The following MCU variants were observed in gnomAD, a reference collection of about 807,000 sequenced individuals.
MCU encodes mitochondrial calcium uniporter, also known as calcium uniporter protein, mitochondrial.
A neutral mutation model predicts 45.2 loss-of-function variants in MCU; 12 were observed. The ratio of observed to expected loss-of-function variants is 0.27; its 90% confidence interval spans 0.17 to 0.43. The LOEUF is 0.43. MCU is among the 20% of genes least tolerant of loss of function. MCU has a pLI of 1.00. For synonymous variants in MCU, 160 were observed against 165.1 expected, an observed-to-expected ratio of 0.97 and a Z score of 0.24; for missense variants, 324 against 436.7, an observed-to-expected ratio of 0.74 and a Z score of 2.30.
At chr10:72,725,073 C>T (rs1843077781) in intron 1 of MCU, among the ~76,000 whole-genome samples, 1 of 117,648 alleles carries the variant, frequency 8.5e-6, no homozygotes, top group South Asian at 2.5e-4. Flanking sequence ...AGGGGATCCT[C>T]CCACCTCAGC....
At chr10:72,812,195 A>G (rs548262865) in intron 1 of MCU, among the ~76,000 whole-genome samples, 1 of 152,012 alleles carries the variant, frequency 6.6e-6, no homozygotes, top group Admixed American at 6.6e-5. Context: ...TGCCCAGGCT[A>G]GAGTGCAGTG....
chr10:72,822,500 A>G (rs1844728388), intron 1 of MCU, among the ~76,000 whole-genome samples: 1 of 152,242 alleles, frequency 6.6e-6, no homozygotes, highest in Non-Finnish European at 1.5e-5. Flanking sequence ...TAAACTTGAT[A>G]ATAAAAAGAC....
rs1589505297 is a variant in MCU at position 72,868,713 on chromosome 10, T to C, written c.507T>C (p.Ser169=). ...HVRPPKRDLL[S]HENAATLNDV... ...TAACTTTTGTTTCAGACCTCTTAAG[T>C]CATGAAAATGCAGCAACGCTGAATG... The change falls in exon 5 of 8, where the codon AGT becomes AGC. Residue 169 remains serine, a synonymous_variant. Coordinates refer to ENST00000373053, the MANE Select transcript of MCU (RefSeq NM_138357.3). 6.2e-7 allele frequency: 1 copy of C among 1,613,236 alleles called. No individual in the cohort carries two copies. Among genetic ancestry groups the C allele is most frequent in the East Asian group, 2.2e-5 (1 of 44,866 alleles).
At chr10:72,812,642 T>C (rs1235497452) in intron 1 of MCU, among the ~76,000 whole-genome samples, 1 of 152,224 alleles carries the variant, frequency 6.6e-6, no homozygotes, top group Admixed American at 6.5e-5. Context: ...TATTGAGATA[T>C]GCTTTAAAAT....
At chr10:72,871,234 A>G in intron 5 of MCU, 143 bp from the exon 6 acceptor site, 4 of 753,656 alleles carry the variant, frequency 5.3e-6, no homozygotes, top group East Asian at 2.5e-5. Flanking sequence ...TGCAGATACT[A>G]TTTAGGAAGA....
intron 1 of MCU, among the ~76,000 whole-genome samples, chr10:72,771,126 G>A (rs1843801042): frequency 6.6e-6 from 1 of 152,120 alleles, no homozygotes; most frequent in African/African-American, 2.4e-5. Flanking sequence ...GTATACATGT[G>A]CCATGATGGT....
intron 1 of MCU, among the ~76,000 whole-genome samples, chr10:72,773,248 G>A (rs1843838929): frequency 6.6e-6 from 1 of 152,048 alleles, no homozygotes; most frequent in African/African-American, 2.4e-5. Flanking sequence ...ACAAAGAAAA[G>A]CAGTTCAGAA....
At chr10:72,694,738 G>T (rs1250625695) in intron 1 of MCU, among the ~76,000 whole-genome samples, 1 of 152,208 alleles carries the variant, frequency 6.6e-6, no homozygotes, top group East Asian at 1.9e-4. Flanking sequence ...CCGCTGTATG[G>T]TATGGTAAAT....
chr10:72,751,355 T>C (rs1018159123), intron 1 of MCU, among the ~76,000 whole-genome samples: 1 of 122,588 alleles, frequency 8.2e-6, no homozygotes, highest in African/African-American at 3.1e-5. Flanking sequence ...TTTTTTTTTT[T>C]TTTTTTTTTT....
At chr10:72,810,904 C>G (rs1429434418) in intron 1 of MCU, among the ~76,000 whole-genome samples, 1 of 151,904 alleles carries the variant, frequency 6.6e-6, no homozygotes, top group Non-Finnish European at 1.5e-5. Flanking sequence ...TCAAGGAAAC[C>G]AAAATGCCAG....
chr10:72,758,055 A>C (rs180874091), intron 1 of MCU, among the ~76,000 whole-genome samples: 1 of 152,250 alleles, frequency 6.6e-6, no homozygotes, highest in South Asian at 2.1e-4. Context: ...ATGTGGCAGT[A>C]AACTAGTGGA....
intron 7 of MCU, 147 bp downstream of exon 7, chr10:72,884,529 G>A (rs1845750780): frequency 1.8e-6 from 1 of 564,398 alleles, no homozygotes; most frequent in African/African-American, 1.9e-5. Context: ...GTTGATTACA[G>A]TAACTATTTT....
At chr10:72,708,778 C>T (rs548075317) in intron 1 of MCU, among the ~76,000 whole-genome samples, 42 of 152,190 alleles carry the variant, frequency 2.8e-4, no homozygotes, top group South Asian at 2.3e-3. Flanking sequence ...AAAACAGTTT[C>T]GATTGTGCTG....
At chr10:72,751,341 C>CTTTTTTTTTTTTTTTTTTTTTTTTTT (rs71021528) in intron 1 of MCU, among the ~76,000 whole-genome samples, 2 of 44,742 alleles carry the variant, frequency 4.5e-5, no homozygotes, top group African/African-American at 1.7e-4. Flanking sequence ...TCTTCTTCTT[C>CTTTTTTTTTTTTTTTTTTTTTTTTTT]TTTTTTTTTT....
At chr10:72,778,902 A>G (rs1843943223) in intron 1 of MCU, among the ~76,000 whole-genome samples, 2 of 152,354 alleles carry the variant, frequency 1.3e-5, no homozygotes, top group Admixed American at 6.5e-5. Flanking sequence ...AAGCAACAGT[A>G]ATGAAAACAG....
chr10:72,854,960 G>A (rs978950481), intron 2 of MCU, among the ~76,000 whole-genome samples: 12 of 152,082 alleles, frequency 7.9e-5, no homozygotes, highest in African/African-American at 2.9e-4. Context: ...ATAAAATAAG[G>A]GCCAGGTGTG....
At chr10:72,739,496 A>G (rs1046200032) in intron 1 of MCU, among the ~76,000 whole-genome samples, 26 of 152,094 alleles carry the variant, frequency 1.7e-4, no homozygotes, top group African/African-American at 5.1e-4. Flanking sequence ...CAGCATTTTA[A>G]TGGTCTTCCT....
chr10:72,770,639 T>G (rs941675333), intron 1 of MCU, among the ~76,000 whole-genome samples: 1 of 152,116 alleles, frequency 6.6e-6, no homozygotes, highest in Non-Finnish European at 1.5e-5. Flanking sequence ...TTCACCTTCT[T>G]ATTTACCATT....
chr10:72,840,414 T>C lies in MCU; in HGVS notation c.220+5986T>C, dbSNP rs1343529292. 3.9e-5 allele frequency among the ~76,000 whole-genome samples: 6 copies of C among 152,230 alleles called. No individual in the cohort carries two copies. The East Asian group carries it at 1.2e-3, about 29-fold the overall frequency. On this transcript the variant is annotated intron_variant, in intron 2 of 7. Coordinates refer to ENST00000373053, the MANE Select transcript of MCU (RefSeq NM_138357.3). ...TTATTATTGAGTTGTAAGTGTTCTT[T>C]ATATAGTCTAGAGTTTTTCTTGTGA... is the stretch of plus-strand genomic sequence containing the variant.
Sources: allele counts gnomAD v4.1 joint callset (sites outside exome capture counted in the v4.1 genomes callset), GRCh38; gene constraint gnomAD v4.1.1; transcripts MANE v1.5; gene names NCBI Gene and HGNC (gene_info 2026-07-23, HGNC 2026-07-21).